The following MGAT4C variants were observed in gnomAD, a reference collection of about 807,000 sequenced individuals.
MGAT4C encodes the protein MGAT4 family member C, also known as alpha-1,3-mannosyl-glycoprotein 4-beta-N-acetylglucosaminyltransferase C.
In MGAT4C, 19 loss-of-function variants were observed where a neutral mutation model predicts 40.1. That is an observed-to-expected ratio of 0.47 (90% CI 0.33 to 0.70). The LOEUF (loss-of-function observed/expected upper bound fraction) is 0.70. MGAT4C is among the 30% of genes least tolerant of loss of function. The pLI is 0.02. For missense variants in MGAT4C, 491 were observed against 563.2 expected, an observed-to-expected ratio of 0.87 and a Z score of 1.30; for synonymous variants, 181 against 187.1, an observed-to-expected ratio of 0.97 and a Z score of 0.27.
rs369284336 is a variant in MGAT4C at position 86,803,259 on chromosome 12, T to C, written c.-262+35407A>G. Among the ~76,000 whole-genome samples, 150 of 150,990 alleles carry C rather than the reference T, an allele frequency of 9.9e-4. 1 individual carries two copies. The Middle Eastern group carries it at 0.01, about 10-fold the overall frequency. ...CCCTCCCTTACACCTTATACAAAAA[T>C]CAATTCAAGATGGATTAAAGATTTA... On this transcript the variant is annotated intron_variant, in intron 1 of 7. Coordinates refer to the MGAT4C transcript ENST00000548651.
chr12:86,018,882 C>T (rs1258869073), intron 2 of MGAT4C, among the ~76,000 whole-genome samples: 1 of 152,036 alleles, frequency 6.6e-6, no homozygotes, highest in East Asian at 1.9e-4. Context: ...TTTCCTGCCA[C>T]TGATTGCAGA....
At chr12:86,712,152 C>T (rs972873734) in intron 2 of MGAT4C, among the ~76,000 whole-genome samples, 7 of 151,792 alleles carry the variant, frequency 4.6e-5, no homozygotes, top group African/African-American at 1.2e-4. Context: ...ATAAAAGATA[C>T]GTTTGGAGAA....
rs567919540 is a variant in MGAT4C, at chr12:86,699,350, G to A, written c.-229+27859C>T. 1.3e-3 allele frequency among the ~76,000 whole-genome samples: 200 copies of A among 152,188 alleles called. 2 individuals carry two copies. Among genetic ancestry groups the A allele is most frequent in the Admixed American group, 1.9e-3 (29 of 15,268 alleles). On this transcript the variant is annotated intron_variant, in intron 2 of 7. Transcript: ENST00000548651. ...CTGTGCAAGAGACAATTAGTTCCAT[G>A]TCTTTGAAGAAGAAAAAATATACGT...
chr12:86,659,583 G>A (rs1288541110), intron 2 of MGAT4C, among the ~76,000 whole-genome samples: 1 of 152,058 alleles, frequency 6.6e-6, no homozygotes. Context: ...GGGTAGGATA[G>A]TAAGAGGAAA....
At chr12:86,480,048 A>C (rs1022467347) in intron 2 of MGAT4C, among the ~76,000 whole-genome samples, 1 of 151,922 alleles carries the variant, frequency 6.6e-6, no homozygotes, top group African/African-American at 2.4e-5. Flanking sequence ...GTAAGCATAT[A>C]GTTTTATGAT....
chr12:85,980,932 T>C (rs559117371), intron 4 of MGAT4C, among the ~76,000 whole-genome samples: 1 of 152,296 alleles, frequency 6.6e-6, no homozygotes, highest in Non-Finnish European at 1.5e-5. Flanking sequence ...TTCAATCATC[T>C]TTAAATTTTT....
At chr12:86,596,183 A>G (rs1439638645) in intron 2 of MGAT4C, among the ~76,000 whole-genome samples, 3 of 140,896 alleles carry the variant, frequency 2.1e-5, no homozygotes, top group African/African-American at 7.8e-5. Context: ...ATTATGAGAT[A>G]AATAAAATCA....
intron 1 of MGAT4C, among the ~76,000 whole-genome samples, chr12:86,165,216 A>T (rs1040194440): frequency 6.6e-6 from 1 of 152,162 alleles, no homozygotes; most frequent in Non-Finnish European, 1.5e-5. Flanking sequence ...TCATTAAGAC[A>T]ACTAAATACA....
chr12:86,157,322 T>A (rs1885070052), intron 1 of MGAT4C, among the ~76,000 whole-genome samples: 1 of 152,122 alleles, frequency 6.6e-6, no homozygotes, highest in Non-Finnish European at 1.5e-5. Flanking sequence ...GTATAATCAA[T>A]TACATCCATA....
intron 2 of MGAT4C, among the ~76,000 whole-genome samples, chr12:86,538,608 CTTT>C (rs71078909): frequency 5.8e-5 from 8 of 138,310 alleles, no homozygotes; most frequent in Non-Finnish European, 6.2e-5. Context: ...TGTAATACTT[CTTT>C]TTTTTTTTTT....
intron 1 of MGAT4C, among the ~76,000 whole-genome samples, chr12:86,239,559 T>C (rs905209799): frequency 1.3e-5 from 2 of 152,040 alleles, no homozygotes; most frequent in Non-Finnish European, 2.9e-5. Flanking sequence ...AAAATCTTCA[T>C]AAAACAATCC....
chr12:86,375,074 C>T (rs17013976), intron 3 of MGAT4C, among the ~76,000 whole-genome samples: 2,541 of 152,096 alleles, frequency 0.017, 57 homozygotes, highest in East Asian at 0.067. Context: ...AAAGTAAATT[C>T]GTTTGTTACT....
intron 2 of MGAT4C, among the ~76,000 whole-genome samples, chr12:86,618,178 A>G (rs1962517680): frequency 6.6e-6 from 1 of 150,668 alleles, no homozygotes; most frequent in Non-Finnish European, 1.5e-5. Context: ...ACAAAAAATA[A>G]CTAATGGTGG....
chr12:86,142,689 G>T (rs1054287605), intron 1 of MGAT4C, among the ~76,000 whole-genome samples: 1 of 151,790 alleles, frequency 6.6e-6, no homozygotes. Flanking sequence ...TAGGGATGGA[G>T]AGAGGCATTG....
intron 1 of MGAT4C, among the ~76,000 whole-genome samples, chr12:86,828,837 G>T (rs1054911762): frequency 6.6e-6 from 1 of 151,472 alleles, no homozygotes; most frequent in Non-Finnish European, 1.5e-5. Context: ...GGAGACTAGT[G>T]GTTGCCTTGG....
intron 1 of MGAT4C, among the ~76,000 whole-genome samples, chr12:86,837,672 G>A (rs905632398): frequency 6.6e-6 from 1 of 151,730 alleles, no homozygotes; most frequent in African/African-American, 2.4e-5. Context: ...AGATTTCATT[G>A]AGCCTATTCA....
At chr12:86,268,059 G>T (rs1007319841) in intron 4 of MGAT4C, among the ~76,000 whole-genome samples, 1 of 152,138 alleles carries the variant, frequency 6.6e-6, no homozygotes, top group Non-Finnish European at 1.5e-5. Flanking sequence ...CATTAGAGAA[G>T]ATGCTTAGAA....
chr12:86,479,546 T>C (rs998879233), intron 2 of MGAT4C, among the ~76,000 whole-genome samples: 2 of 151,930 alleles, frequency 1.3e-5, no homozygotes, highest in African/African-American at 4.8e-5. Context: ...ACATGATATG[T>C]TACCTTAGCT....
At chr12:86,720,237 T>C (rs1007321913) in intron 2 of MGAT4C, among the ~76,000 whole-genome samples, 8 of 152,258 alleles carry the variant, frequency 5.3e-5, no homozygotes, top group Non-Finnish European at 1.2e-4. Flanking sequence ...GGTTGCTGGA[T>C]TTCTTGGTAG....
Sources: allele counts gnomAD v4.1 joint callset (sites outside exome capture counted in the v4.1 genomes callset), GRCh38; gene constraint gnomAD v4.1.1; transcripts MANE v1.5; gene names NCBI Gene and HGNC (gene_info 2026-07-23, HGNC 2026-07-21).